ZNF587B: variants seen among roughly 807,000 people sequenced by gnomAD.
ZNF587B encodes the protein zinc finger protein 587B.
In ZNF587B, 6 loss-of-function variants were observed where a neutral mutation model predicts 7.2. That is an observed-to-expected ratio of 0.83 (90% CI 0.46 to 1.65). The LOEUF is 1.65. Among genes scored for constraint, ZNF587B ranks in the 40% most tolerant of loss-of-function variants. The pLI is 0.01. For synonymous variants in ZNF587B, 274 were observed against 254.3 expected (o/e 1.08, Z -0.74); for missense variants, 749 against 761.0 (o/e 0.98, Z 0.19).
At position 57,841,391 on chromosome 19, in the gene ZNF587B, A is replaced by G. The variant is rs1317401025; in HGVS notation, c.717A>G (p.Glu239=). The change falls in exon 3 of 3, where the codon GAA becomes GAG. Residue 239 remains glutamate, a synonymous_variant. Coordinates refer to ENST00000594901, the MANE Select transcript of ZNF587B (RefSeq NM_001376223.1). ...AGCACCAGAGACTTCTCCCTCGAGA[A>G]GAATGTTATGTGTGCTGTGAATGTG... is the stretch of plus-strand genomic sequence containing the variant. ...LSQHQRLLPR[E]ECYVCCECGK... 1.3e-6 allele frequency: 2 copies of G among 1,587,468 alleles called. No individual in the cohort carries two copies. The highest frequency in any genetic ancestry group is 2.3e-5 in the East Asian group (1 of 43,568).
At position 57,831,126 on chromosome 19, in the gene ZNF587B, T is replaced by C. The variant is rs192358984; in HGVS notation, c.36+562T>C. Reference sequence around the variant, plus strand: ...ACAGTATCTTATCAGTTAATTGCATTCTTGGATGTGCTGGGAGTCAGCTTG... The same window carrying C: ...ACAGTATCTTATCAGTTAATTGCATCCTTGGATGTGCTGGGAGTCAGCTTG... On this transcript the variant is annotated intron_variant, in intron 1 of 2. Transcript: ENST00000594901. 3.3e-3 allele frequency among the ~76,000 whole-genome samples: 507 copies of C among 152,288 alleles called. 5 individuals are homozygous for C. The highest frequency in any genetic ancestry group is 0.012 in the African/African-American group (481 of 41,548).
In ZNF587B at chr19:57,830,777, T is replaced by G. The variant is rs1988350888; in HGVS notation, c.36+213T>G. Among the ~76,000 whole-genome samples, 3 of 150,430 alleles carry G rather than the reference T, an allele frequency of 2.0e-5. No homozygotes were observed. The South Asian group carries it at 6.3e-4, about 32-fold the overall frequency. On this transcript the variant is annotated intron_variant, in intron 1 of 2. Coordinates refer to ENST00000594901, the MANE Select transcript of ZNF587B (RefSeq NM_001376223.1). ...GCGAGTTAGAGAAAACGCCACACTT[T>G]GAGACGAATTAAGAGTCCGTTTATT...
intron 1 of ZNF587B, among the ~76,000 whole-genome samples, chr19:57,838,171 G>A (rs541349618): frequency 2.0e-5 from 3 of 147,492 alleles, no homozygotes; most frequent in Admixed American, 6.7e-5. Flanking sequence ...GCCAGGTGTG[G>A]TGGTGCACAC....
chr19:57,840,900 G>C lies in ZNF587B; in HGVS notation c.226G>C (p.Glu76Gln). 1 of 1,555,670 alleles carries C rather than the reference G, an allele frequency of 6.4e-7. No individual in the cohort carries two copies. Among genetic ancestry groups the C allele is most frequent in the Non-Finnish European group, 8.7e-7 (1 of 1,152,034 alleles). ...TAAGCAGAGTATTTATATACAAAGA[G>C]AGACTCAGGTCAGGACTCCTGTGAC... ...PSKQSIYIQR[E>Q]TQVRTPVTGV... Residue 76 changes from glutamate to glutamine, a missense_variant, in exon 3 of 3, where the codon GAG (glutamate) becomes CAG (glutamine). By Grantham distance (29) the Glu-to-Gln change is conservative (BLOSUM62 2). Coordinates refer to ENST00000594901, the MANE Select transcript of ZNF587B (RefSeq NM_001376223.1).
In ZNF587B at chr19:57,841,220, G is replaced by A; in HGVS notation, c.546G>A (p.Arg182=). 6.2e-7 allele frequency: 1 copy of A among 1,614,174 alleles called. No individual in the cohort carries two copies. The highest frequency in any genetic ancestry group is 8.5e-7 in the Non-Finnish European group (1 of 1,180,030). Residue 182 remains arginine, a synonymous_variant, in exon 3 of 3, where the codon AGG becomes AGA. Transcript: ENST00000594901. ...AGAGTGGGAAGGACTTTTTGCCCAG[G>A]TCAGGATTACTCCAGCAGGAGGCCA... is the stretch of plus-strand genomic sequence containing the variant. ...FSESGKDFLP[R]SGLLQQEASH... is the part of the protein sequence containing the mutation.
chr19:57,841,474 A>G lies in ZNF587B; in HGVS notation c.800A>G (p.Lys267Arg). Reference sequence around the variant, plus strand: ...AATCATCAGAGAGTTCACAGTGGAAAAAGACCTTATGAATGTGGAGAATGT... The same window carrying G: ...AATCATCAGAGAGTTCACAGTGGAAGAAGACCTTATGAATGTGGAGAATGT... ...FSNHQRVHSG[K>R]RPYECGECEK... The change falls in exon 3 of 3, where the codon AAA becomes AGA. Residue 267 changes from lysine to arginine, a missense_variant. Coordinates refer to ENST00000594901, the MANE Select transcript of ZNF587B (RefSeq NM_001376223.1). 2.5e-6 allele frequency: 4 copies of G among 1,585,298 alleles called. No individual in the cohort carries two copies. Among genetic ancestry groups the G allele is most frequent in the Non-Finnish European group, 3.4e-6 (4 of 1,164,854 alleles).
chr19:57,834,790 A>G (rs1988539053), intron 1 of ZNF587B, among the ~76,000 whole-genome samples: 1 of 125,020 alleles, frequency 8.0e-6, no homozygotes, highest in South Asian at 2.7e-4. Context: ...GGTTGCAGTG[A>G]GCCAAGGTAG....
Position 57,841,209 on chromosome 19 carries a change from T to A in ZNF587B, c.535T>A (p.Phe179Ile). The A allele has an allele frequency of 6.2e-7, 1 of 1,614,102 alleles. No homozygotes were observed. Reference sequence around the variant, plus strand: ...TGTCTTCAGTGAGAGTGGGAAGGACTTTTTGCCCAGGTCAGGATTACTCCA... The same window carrying A: ...TGTCTTCAGTGAGAGTGGGAAGGACATTTTGCCCAGGTCAGGATTACTCCA... ...SSVFSESGKD[F>I]LPRSGLLQQE... The change falls in exon 3 of 3, where the codon TTT (phenylalanine) becomes ATT (isoleucine). Residue 179 changes from phenylalanine (F) to isoleucine (I), a missense_variant. By Grantham distance (21) the Phe-to-Ile change is conservative. Coordinates refer to ENST00000594901, the MANE Select transcript of ZNF587B (RefSeq NM_001376223.1).
intron 2 of ZNF587B, among the ~76,000 whole-genome samples, chr19:57,840,133 A>G (rs559734886): frequency 4.8e-4 from 71 of 146,426 alleles, no homozygotes; most frequent in African/African-American, 1.7e-3. Flanking sequence ...GGAGGAGGTC[A>G]TGGAGTCAGG....
intron 1 of ZNF587B, 103 bp from the exon 2 acceptor site, chr19:57,838,920 G>C (rs1257151155): frequency 5.6e-6 from 8 of 1,423,374 alleles, no homozygotes; most frequent in Non-Finnish European, 7.7e-6. Context: ...TATGTTTGAG[G>C]ACCTTGAGAG....
In ZNF587B at chr19:57,845,386, G is replaced by GT. The variant is rs1344313579; in HGVS notation, c.*2811dup. 6.6e-6 allele frequency: 1 copy of GT among 152,192 alleles called. No homozygotes were observed. The highest frequency in any genetic ancestry group is 1.5e-5 in the Non-Finnish European group (1 of 68,040). 9.4% of individuals were successfully genotyped at this position (152,192 alleles called of 1,614,324 possible). A position where few individuals can be genotyped will look rare whatever the true frequency, so the allele number is the denominator to read the frequency against. Reference sequence around the variant, plus strand: ...AGACTTCCATAATAATGAATGTTGTGTAGCTAAGCTTTGGTCAGAGGAAAT... The same window carrying GT: ...AGACTTCCATAATAATGAATGTTGTGTTAGCTAAGCTTTGGTCAGAGGAAAT... On this transcript the variant is annotated 3_prime_UTR_variant, in exon 3 of 3. Coordinates refer to ENST00000594901, the MANE Select transcript of ZNF587B (RefSeq NM_001376223.1).
In ZNF587B at chr19:57,842,104, A is replaced by G; in HGVS notation, c.1430A>G (p.Lys477Arg). The G allele has an allele frequency of 6.2e-7, 1 of 1,602,904 alleles. No individual in the cohort carries two copies. The highest frequency in any genetic ancestry group is 8.5e-7 in the Non-Finnish European group (1 of 1,174,072). Reference sequence around the variant, plus strand: ...TGGGAATGTGGAAAATTATTTAAGAAGAAGTCTCACCTCCTTGTACACCAG... The same window carrying G: ...TGGGAATGTGGAAAATTATTTAAGAGGAAGTCTCACCTCCTTGTACACCAG... ...MCWECGKLFK[K>R]KSHLLVHQRI... Residue 477 changes from lysine to arginine, a missense_variant, in exon 3 of 3, where the codon AAG (lysine) becomes AGG (arginine). By Grantham distance (26) the Lys-to-Arg change is conservative. Coordinates refer to ENST00000594901, the MANE Select transcript of ZNF587B (RefSeq NM_001376223.1).
At position 57,841,434 on chromosome 19, in the gene ZNF587B, T is replaced by A. The variant is rs1988842824; in HGVS notation, c.760T>A (p.Tyr254Asn). The A allele has an allele frequency of 1.3e-6, 2 of 1,584,636 alleles. No individual in the cohort carries two copies. The highest frequency in any genetic ancestry group is 4.6e-5 in the East Asian group (2 of 43,240). Residue 254 changes from tyrosine (Y) to asparagine (N), a missense_variant, in exon 3 of 3, where the codon TAT becomes AAT. Physicochemically the swap from Tyr to Asn is moderately radical, Grantham distance 143. This residue lies in a region of ZNF587B where 656 missense variants were observed against 596.5 expected (regional missense o/e 1.10). Coordinates refer to ENST00000594901, the MANE Select transcript of ZNF587B (RefSeq NM_001376223.1). ...TGAATGTGGGAAATCCTTTAGCAAA[T>A]ATGTTAGCTTCAGTAATCATCAGAG... ...CCECGKSFSKYVSFSNHQRVH... is the reference protein window; with the variant it reads ...CCECGKSFSKNVSFSNHQRVH...
intron 1 of ZNF587B, among the ~76,000 whole-genome samples, chr19:57,837,443 T>TG (rs111741224): frequency 0.03 from 4,558 of 151,196 alleles, 235 homozygotes; most frequent in African/African-American, 0.1. Flanking sequence ...TGTTTTGTTT[T>TG]TTTTTTTTGG....
At chr19:57,840,717 C>T in intron 2 of ZNF587B, 121 bp from the exon 3 acceptor site, 3 of 1,595,332 alleles carry the variant, frequency 1.9e-6, no homozygotes. Flanking sequence ...CTGAAGCCAA[C>T]ATCCTGTTCC....
chr19:57,838,622 A>G (rs1336272340), intron 1 of ZNF587B, among the ~76,000 whole-genome samples: 1 of 152,170 alleles, frequency 6.6e-6, no homozygotes, highest in Admixed American at 6.5e-5. Flanking sequence ...AAACAAAAAA[A>G]GATACTTTAA....
In ZNF587B at chr19:57,845,323, CTG is replaced by C. The variant is rs1283260826; in HGVS notation, c.*2751_*2752del. The C allele has an allele frequency of 6.6e-6, 1 of 152,180 alleles. No individual in the cohort carries two copies. The highest frequency in any genetic ancestry group is 1.5e-5 in the Non-Finnish European group (1 of 68,040). The allele number at this position is 152,180 out of a possible 1,614,324, so 9.4% of individuals were successfully genotyped here. A position where few individuals can be genotyped will look rare whatever the true frequency, so the allele number is the denominator to read the frequency against. ...AGGAGTGTCCACAGTTATCCAGTCA[CTG>C]TGTCTGTGATGGATAAGCAGATACA... is the stretch of plus-strand genomic sequence containing the variant. On this transcript the variant is annotated 3_prime_UTR_variant, in exon 3 of 3. Coordinates refer to ENST00000594901, the MANE Select transcript of ZNF587B (RefSeq NM_001376223.1).
chr19:57,830,445 C>G lies in ZNF587B; in HGVS notation c.-84C>G. On this transcript the variant is annotated 5_prime_UTR_variant, in exon 1 of 3. Transcript: ENST00000594901. ...TGACGGCGCCAAGCGTGACCCACCC[C>G]TGGGCCAGGATAGGGACCGTCATGC... 6.7e-7 allele frequency: 1 copy of G among 1,482,636 alleles called. No individual in the cohort carries two copies. Among genetic ancestry groups the G allele is most frequent in the Non-Finnish European group, 9.1e-7 (1 of 1,092,954 alleles). 91.8% of individuals were successfully genotyped at this position (1,482,636 alleles called of 1,614,324 possible).
At position 57,841,471 on chromosome 19, in the gene ZNF587B, G is replaced by T. The variant is rs1483515558; in HGVS notation, c.797G>T (p.Gly266Val). The change falls in exon 3 of 3, where the codon GGA becomes GTA. Residue 266 changes from glycine (G) to valine (V), a missense_variant. Around this residue, in one of 3 missense-constraint regions of ZNF587B, gnomAD observed 656 missense variants for 596.5 expected, o/e 1.10. Transcript: ENST00000594901. Reference protein sequence around the residue: ...SFSNHQRVHSGKRPYECGECE... With the variant: ...SFSNHQRVHSVKRPYECGECE... ...AGTAATCATCAGAGAGTTCACAGTG[G>T]AAAAAGACCTTATGAATGTGGAGAA... 6.3e-7 allele frequency: 1 copy of T among 1,584,694 alleles called. No homozygotes were observed.
Sources: allele counts gnomAD v4.1 joint callset (sites outside exome capture counted in the v4.1 genomes callset), GRCh38; gene constraint gnomAD v4.1.1; regional missense constraint gnomAD v4.1.1; transcripts MANE v1.5; gene names NCBI Gene and HGNC (gene_info 2026-07-23, HGNC 2026-07-21).